The following CNTN3 variants were observed in gnomAD, a reference collection of about 807,000 sequenced individuals.
The protein encoded by CNTN3 is contactin 3, also known as contactin-3.
In CNTN3, 60 loss-of-function variants were observed where a neutral mutation model predicts 119.1. That is an observed-to-expected ratio of 0.50 (90% CI 0.41 to 0.62). CNTN3 has a LOEUF of 0.62. CNTN3 is among the 20% of genes least tolerant of loss of function. The probability of loss-of-function intolerance (pLI) is 0.00; values close to 1 mark genes in which losing one functional copy is unlikely to be tolerated. For missense variants in CNTN3, 1,101 were observed against 1,242.4 expected, an observed-to-expected ratio of 0.89 and a Z score of 1.71; for synonymous variants, 450 against 438.7, an observed-to-expected ratio of 1.03 and a Z score of -0.32.
chr3:74,279,846 G>A (rs1301244960), intron 20 of CNTN3, among the ~76,000 whole-genome samples: 1 of 151,928 alleles, frequency 6.6e-6, no homozygotes, highest in Non-Finnish European at 1.5e-5. Context: ...AGAGTAGAAG[G>A]ATGATTACTA....
chr3:74,405,149 T>C (rs765433790), intron 5 of CNTN3, among the ~76,000 whole-genome samples: 2 of 152,094 alleles, frequency 1.3e-5, no homozygotes, highest in Non-Finnish European at 2.9e-5. Flanking sequence ...TATTTATCTA[T>C]ATTTTTATCT....
intron 12 of CNTN3, 42 bp from the exon 13 acceptor site, chr3:74,334,952 T>C: frequency 1.3e-6 from 2 of 1,508,306 alleles, no homozygotes; most frequent in Non-Finnish European, 9.2e-7. Flanking sequence ...CATTTTATTG[T>C]GATAAAAGAC....
chr3:74,404,895 A>G (rs987511085), intron 5 of CNTN3, among the ~76,000 whole-genome samples: 21 of 152,014 alleles, frequency 1.4e-4, no homozygotes, highest in Non-Finnish European at 2.8e-4. Flanking sequence ...CAGGTAATCC[A>G]ATTTCCATAG....
intron 20 of CNTN3, among the ~76,000 whole-genome samples, chr3:74,277,373 A>G (rs1701903032): frequency 6.6e-6 from 1 of 152,150 alleles, no homozygotes; most frequent in African/African-American, 2.4e-5. Context: ...CCTTAACAAA[A>G]CACTAGCTAA....
At position 74,599,312 on chromosome 3, in the gene CNTN3, T is replaced by C. The variant is rs368855238; in HGVS notation, c.-81+15079A>G. ...GACATGAAATAAGGGTAATGAGTGA[T>C]AAAGAAAAGCAGAGCAAAAGACTGT... On this transcript the variant is annotated intron_variant, in intron 1 of 22. Coordinates refer to ENST00000263665, the MANE Select transcript of CNTN3 (RefSeq NM_020872.3). 9.2e-5 allele frequency among the ~76,000 whole-genome samples: 14 copies of C among 152,128 alleles called. No homozygotes were observed. The South Asian group carries it at 2.5e-3, about 27-fold the overall frequency.
At chr3:74,414,200 T>C (rs1490090440) in intron 5 of CNTN3, among the ~76,000 whole-genome samples, 1 of 152,160 alleles carries the variant, frequency 6.6e-6, no homozygotes, top group Non-Finnish European at 1.5e-5. Flanking sequence ...GTAAAAGTTT[T>C]TTTAAAATTA....
chr3:74,435,442 G>A (rs1037469598), intron 4 of CNTN3, among the ~76,000 whole-genome samples: 2 of 152,138 alleles, frequency 1.3e-5, no homozygotes, highest in Non-Finnish European at 2.9e-5. Flanking sequence ...CTCTTGAAAT[G>A]CTAGGATTAC....
intron 13 of CNTN3, among the ~76,000 whole-genome samples, chr3:74,305,684 T>TTG (rs1189855527): frequency 6.6e-6 from 1 of 151,092 alleles, no homozygotes; most frequent in Non-Finnish European, 1.5e-5. Flanking sequence ...GAAGGCTGGA[T>TTG]TGTGGCTACC....
chr3:74,313,275 TA>T (rs2106645273), intron 13 of CNTN3, among the ~76,000 whole-genome samples: 1 of 152,232 alleles, frequency 6.6e-6, no homozygotes, highest in South Asian at 2.1e-4. Flanking sequence ...CAATGGTGAC[TA>T]AGAGTTTCAC....
At chr3:74,271,243 C>T (rs1300632347) in intron 20 of CNTN3, among the ~76,000 whole-genome samples, 2 of 151,930 alleles carry the variant, frequency 1.3e-5, no homozygotes, top group African/African-American at 4.8e-5. Context: ...AATGGAATAT[C>T]ATCCACGGGC....
chr3:74,540,378 G>T (rs1324927631), intron 1 of CNTN3, among the ~76,000 whole-genome samples: 1 of 151,956 alleles, frequency 6.6e-6, no homozygotes, highest in Non-Finnish European at 1.5e-5. Flanking sequence ...ACATTGATTT[G>T]GTTATAAACA....
At chr3:74,451,755 C>A (rs898712858) in intron 4 of CNTN3, among the ~76,000 whole-genome samples, 3 of 150,886 alleles carry the variant, frequency 2.0e-5, no homozygotes, top group African/African-American at 7.3e-5. Context: ...TTCCCAGCAC[C>A]ATTTATTAAA....
intron 18 of CNTN3, among the ~76,000 whole-genome samples, chr3:74,297,099 T>A (rs771032095): frequency 3.9e-5 from 6 of 152,174 alleles, no homozygotes; most frequent in Non-Finnish European, 7.4e-5. Context: ...CCCTCAAACC[T>A]GCACATTGCA....
At chr3:74,606,016 C>T (rs1451386910) in intron 1 of CNTN3, among the ~76,000 whole-genome samples, 5 of 151,892 alleles carry the variant, frequency 3.3e-5, no homozygotes, top group Admixed American at 1.3e-4. Context: ...TTTTACATCC[C>T]CTATTCCCAT....
intron 1 of CNTN3, among the ~76,000 whole-genome samples, chr3:74,598,667 T>C (rs1163528536): frequency 6.6e-6 from 1 of 152,008 alleles, no homozygotes; most frequent in Non-Finnish European, 1.5e-5. Flanking sequence ...ATACTAATTC[T>C]ATAAAAAAAT....
At chr3:74,380,616 C>T (rs546628901) in intron 5 of CNTN3, among the ~76,000 whole-genome samples, 3 of 152,160 alleles carry the variant, frequency 2.0e-5, no homozygotes, top group South Asian at 4.1e-4. Context: ...TATGGAAAGC[C>T]CATCCTTTAA....
At chr3:74,360,613 G>A (rs1013026087) in intron 11 of CNTN3, among the ~76,000 whole-genome samples, 1 of 151,988 alleles carries the variant, frequency 6.6e-6, no homozygotes, top group African/African-American at 2.4e-5. Flanking sequence ...TTCAGTATAG[G>A]TCTCACTGTG....
At chr3:74,612,795 T>C (rs541427508) in intron 1 of CNTN3, among the ~76,000 whole-genome samples, 17 of 152,204 alleles carry the variant, frequency 1.1e-4, no homozygotes, top group Admixed American at 9.2e-4. Context: ...AACCCCACTC[T>C]TTATTATTTG....
At chr3:74,393,129 A>ATG (rs1161503319) in intron 5 of CNTN3, among the ~76,000 whole-genome samples, 1 of 152,210 alleles carries the variant, frequency 6.6e-6, no homozygotes, top group African/African-American at 2.4e-5. Flanking sequence ...TATCCCAGTA[A>ATG]TGGACTCCAA....
Sources: gnomAD v4.1 joint callset for allele counts (sites outside exome capture counted in the v4.1 genomes callset) on GRCh38, gnomAD v4.1.1 for gene constraint, MANE v1.5 for transcripts, NCBI Gene and HGNC (gene_info 2026-07-23, HGNC 2026-07-21) for gene names.